CASZ1: variants seen among roughly 807,000 people sequenced by gnomAD.
CASZ1 encodes zinc finger protein castor homolog 1.
A neutral mutation model predicts 135.2 loss-of-function variants in CASZ1; 28 were observed. The observed-to-expected ratio is 0.21, with a 90% CI of 0.15 to 0.28. The LOEUF (loss-of-function observed/expected upper bound fraction) is 0.28. Ranked by LOEUF, CASZ1 falls within the 10% of genes least tolerant of loss-of-function variation. The probability of loss-of-function intolerance (pLI) is 1.00; values close to 1 mark genes in which losing one functional copy is unlikely to be tolerated. For missense variants in CASZ1, 2,161 were observed against 2,453.3 expected, an observed-to-expected ratio of 0.88 and a Z score of 2.52; for synonymous variants, 1,068 against 1,073.4, an observed-to-expected ratio of 0.99 and a Z score of 0.10.
In CASZ1 at chr1:10,788,114, C is replaced by T. The variant is rs1468947209; in HGVS notation, c.-234+8450G>A. 6.6e-6 allele frequency among the ~76,000 whole-genome samples: 1 copy of T among 152,124 alleles called. No homozygotes were observed. The highest frequency in any genetic ancestry group is 2.4e-5 in the African/African-American group (1 of 41,420). On this transcript the variant is annotated intron_variant, in intron 1 of 20. Coordinates refer to ENST00000377022, the MANE Select transcript of CASZ1 (RefSeq NM_001079843.3). This position sits in a 1 kb window ranked among gnomAD's most constrained non-coding sequence, Gnocchi z 4.1. ...TAGCTGGATACGGGGATGTTCTCATCCAGAACATCCCTTTATATGTGCCCA... is the reference window on the plus strand; with the variant it reads ...TAGCTGGATACGGGGATGTTCTCATTCAGAACATCCCTTTATATGTGCCCA...
intron 12 of CASZ1, 35 bp from the exon 13 acceptor site, chr1:10,650,790 C>T (rs768912287): frequency 2.4e-5 from 39 of 1,592,408 alleles, no homozygotes; most frequent in African/African-American, 4.6e-5. Context: ...TGAGCTCAGA[C>T]GGCCGGGGCC....
Position 10,646,628 on chromosome 1 carries a change from G to GA in CASZ1, c.3498-303dup, listed in dbSNP as rs1426782869. Among the ~76,000 whole-genome samples the GA allele has an allele frequency of 3.9e-4, 59 of 152,248 alleles. No individual in the cohort carries two copies. Among genetic ancestry groups the GA allele is most frequent in the African/African-American group, 1.3e-3 (55 of 41,464 alleles). On this transcript the variant is annotated intron_variant, in intron 16 of 20. Transcript: ENST00000377022. The surrounding 1 kb of genome is among the most constrained non-coding windows in gnomAD (Gnocchi z 6.4). ...GCCACACCTCAGGATTATAGATAAG[G>GA]ATGGCTGTAATAACTTCTTGGATCG...
intron 2 of CASZ1, among the ~76,000 whole-genome samples, chr1:10,738,099 C>T (rs1056065302): frequency 2.6e-5 from 4 of 152,102 alleles, no homozygotes; most frequent in East Asian, 1.9e-4. Context: ...GGGGTGGGGA[C>T]GAGCAATCGA....
intron 4 of CASZ1, among the ~76,000 whole-genome samples, chr1:10,671,092 GA>G (rs1432781730): frequency 1.3e-5 from 2 of 152,188 alleles, no homozygotes; most frequent in African/African-American, 4.8e-5. Flanking sequence ...TATTTATTAT[GA>G]TTTTTTTAGT....
rs1184863327 is a variant in CASZ1, at chr1:10,777,842, C to T, written c.-233-16985G>A. Among the ~76,000 whole-genome samples, 3 of 152,146 alleles carry T rather than the reference C, an allele frequency of 2.0e-5. No homozygotes were observed. The highest frequency in any genetic ancestry group is 4.4e-5 in the Non-Finnish European group (3 of 68,030). On this transcript the variant is annotated intron_variant, in intron 1 of 20. Coordinates refer to ENST00000377022, the MANE Select transcript of CASZ1 (RefSeq NM_001079843.3). This position sits in a 1 kb window ranked among gnomAD's most constrained non-coding sequence, Gnocchi z 4.4. ...ACAATCCCACAACCACACACAATCT[C>T]ACACACTCTCATATACAATGACTCA...
rs117164007 is a variant in CASZ1 at position 10,756,269 on chromosome 1, A to G, written c.-77+4432T>C. 1.6e-4 allele frequency among the ~76,000 whole-genome samples: 25 copies of G among 151,986 alleles called. No individual in the cohort carries two copies. The East Asian group carries it at 4.9e-3, about 30-fold the overall frequency. On this transcript the variant is annotated intron_variant, in intron 2 of 20. Transcript: ENST00000377022. The surrounding 1 kb of genome is among the most constrained non-coding windows in gnomAD (Gnocchi z 5.9). Reference sequence around the variant, plus strand: ...TTACAGGGCCAGGCTGCTGTGCCACACATTGCTTCCCACTTGGGACATCCC... The same window carrying G: ...TTACAGGGCCAGGCTGCTGTGCCACGCATTGCTTCCCACTTGGGACATCCC...
intron 20 of CASZ1, among the ~76,000 whole-genome samples, chr1:10,640,622 T>C (rs1333271201): frequency 6.6e-6 from 1 of 152,184 alleles, no homozygotes; most frequent in Admixed American, 6.5e-5. Flanking sequence ...AAGGAGCACC[T>C]TGTCCTTGGT....
intron 2 of CASZ1, among the ~76,000 whole-genome samples, chr1:10,740,251 T>C (rs533464929): frequency 6.6e-6 from 1 of 152,258 alleles, no homozygotes; most frequent in African/African-American, 2.4e-5. Context: ...ATCTTCCCCA[T>C]TCCCAGAACC....
In CASZ1 at chr1:10,699,229, C is replaced by T. The variant is rs1639009019; in HGVS notation, c.-23-5317G>A. 6.6e-6 allele frequency among the ~76,000 whole-genome samples: 1 copy of T among 152,222 alleles called. No individual in the cohort carries two copies. Among genetic ancestry groups the T allele is most frequent in the Middle Eastern group, 3.2e-3 (1 of 316 alleles). On this transcript the variant is annotated intron_variant, in intron 3 of 20. Transcript: ENST00000377022. The surrounding 1 kb of genome is among the most constrained non-coding windows in gnomAD (Gnocchi z 4.6). ...TCCAGCTCATCCTCCGTTCTCCTTC[C>T]CCTCTCCTGGGAAGTCAACGGCCCT... is the stretch of plus-strand genomic sequence containing the variant.
chr1:10,729,165 C>T (rs1022938991), intron 2 of CASZ1, among the ~76,000 whole-genome samples: 1 of 152,112 alleles, frequency 6.6e-6, no homozygotes, highest in South Asian at 2.1e-4. Context: ...CCCAGGCCCT[C>T]GGCGTTGAAG....
chr1:10,737,813 C>T lies in CASZ1; in HGVS notation c.-77+22888G>A, dbSNP rs1264183188. 2.6e-5 allele frequency among the ~76,000 whole-genome samples: 4 copies of T among 152,336 alleles called. No individual in the cohort carries two copies. In the East Asian group the frequency reaches 5.8e-4, roughly 22 times the overall value. On this transcript the variant is annotated intron_variant, in intron 2 of 20. Coordinates refer to ENST00000377022, the MANE Select transcript of CASZ1 (RefSeq NM_001079843.3). Reference sequence around the variant, plus strand: ...GGTGCTCGGAGGGCTGTGGATCAGCCCGGAGGCCCCGGCCCACTCCAGGCC... The same window carrying T: ...GGTGCTCGGAGGGCTGTGGATCAGCTCGGAGGCCCCGGCCCACTCCAGGCC...
At chr1:10,787,920 A>G (rs932448470) in intron 1 of CASZ1, among the ~76,000 whole-genome samples, 1 of 152,220 alleles carries the variant, frequency 6.6e-6, no homozygotes, top group Non-Finnish European at 1.5e-5. Flanking sequence ...GTTGCTTTCC[A>G]AAAGAAACAC....
At chr1:10,728,203 A>C (rs1639632358) in intron 2 of CASZ1, among the ~76,000 whole-genome samples, 1 of 152,180 alleles carries the variant, frequency 6.6e-6, no homozygotes, top group African/African-American at 2.4e-5. Flanking sequence ...ACTCTAGCCA[A>C]GCTCTGAATG....
chr1:10,665,557 A>C lies in CASZ1; in HGVS notation c.31T>G (p.Cys11Gly), dbSNP rs1240854461. MDLGTAEGTR[C>G]TDPPAGKPAM... is the part of the protein sequence containing the mutation. ...GGCTTGCCTGCAGGCGGGTCCGTGC[A>C]CCGGGTGCCCTCAGCTGCAGGGATG... Residue 11 changes from cysteine (C) to glycine (G), a missense_variant, in exon 5 of 21, where the codon TGC (cysteine) becomes GGC (glycine). Cys to Gly is a radical substitution (Grantham distance 159). Coordinates refer to ENST00000377022, the MANE Select transcript of CASZ1 (RefSeq NM_001079843.3). 1 of 1,564,456 alleles carries C rather than the reference A, an allele frequency of 6.4e-7. No homozygotes were observed. Among genetic ancestry groups the C allele is most frequent in the East Asian group, 2.3e-5 (1 of 43,282 alleles).
At position 10,741,844 on chromosome 1, in the gene CASZ1, T is replaced by C; in HGVS notation, c.-77+18857A>G. ...AACCTGATTCGAATCTCATCTGAAT[T>C]ATTTTTTGCTTACTGGGCAGTTTGT... On this transcript the variant is annotated intron_variant, in intron 2 of 20. Transcript: ENST00000377022. The surrounding 1 kb of genome is among the most constrained non-coding windows in gnomAD (Gnocchi z 5.0). Among the ~76,000 whole-genome samples the C allele has an allele frequency of 6.6e-6, 1 of 152,106 alleles. No homozygotes were observed. Among genetic ancestry groups the C allele is most frequent in the Admixed American group, 6.6e-5 (1 of 15,264 alleles).
chr1:10,652,004 C>T (rs1427401245), intron 11 of CASZ1: 1 of 152,272 alleles, frequency 6.6e-6, no homozygotes, highest in Admixed American at 6.5e-5. Flanking sequence ...AGGCCCCACC[C>T]ATGCCTGGAC....
rs371999712 is a variant in CASZ1, at chr1:10,729,017, C to G, written c.-76-23473G>C. On this transcript the variant is annotated intron_variant, in intron 2 of 20. Transcript: ENST00000377022. The stretch of plus-strand genomic sequence containing the variant: ...TATTTTCTGTCACTCTCACGGTGCC[C>G]GGACCGAGGGGACAAAACCCTGTCT... 8.2e-4 allele frequency among the ~76,000 whole-genome samples: 124 copies of G among 151,740 alleles called. 2 individuals carry two copies. In the East Asian group the frequency reaches 0.011, roughly 14 times the overall value.
At chr1:10,640,353 C>T (rs1250153235) in intron 20 of CASZ1, among the ~76,000 whole-genome samples, 1 of 152,210 alleles carries the variant, frequency 6.6e-6, no homozygotes, top group East Asian at 1.9e-4. Context: ...GCTTCCTGGC[C>T]AGTTTGGGTG....
At chr1:10,780,065 G>T (rs963543359) in intron 1 of CASZ1, among the ~76,000 whole-genome samples, 3 of 152,162 alleles carry the variant, frequency 2.0e-5, no homozygotes, top group Admixed American at 6.5e-5. Flanking sequence ...TCCAGCAGGA[G>T]CCCTCACCCT....
Sources: gnomAD v4.1 joint callset for allele counts (sites outside exome capture counted in the v4.1 genomes callset) on GRCh38, gnomAD v4.1.1 for gene constraint, Gnocchi (gnomAD v3.1) non-coding constraint, MANE v1.5 for transcripts, NCBI Gene and HGNC (gene_info 2026-07-23, HGNC 2026-07-21) for gene names.